Variants in BMPR1B observed in about 807,000 individuals in gnomAD.
BMPR1B encodes the protein bone morphogenetic protein receptor type 1B.
A neutral mutation model predicts 59.1 loss-of-function variants in BMPR1B; 12 were observed. That is an observed-to-expected ratio of 0.20 (90% CI 0.13 to 0.33). The LOEUF (loss-of-function observed/expected upper bound fraction) is 0.33, where lower values mean the gene tolerates loss of function less well. BMPR1B is among the 10% of genes least tolerant of loss of function. The pLI is 1.00. For missense variants in BMPR1B, 550 were observed against 610.9 expected, an observed-to-expected ratio of 0.90 and a Z score of 1.05; for synonymous variants, 237 against 207.3, an observed-to-expected ratio of 1.14 and a Z score of -1.23.
intron 1 of BMPR1B, among the ~76,000 whole-genome samples, chr4:94,825,800 T>C (rs1029690829): frequency 2.0e-5 from 3 of 152,186 alleles, no homozygotes; most frequent in African/African-American, 7.2e-5. Context: ...CAGTCTATTT[T>C]TCTGAATGGA....
chr4:94,799,681 GTTTTGT>G lies in BMPR1B; in HGVS notation c.-183+41633_-183+41638del, dbSNP rs750362352. ...ATTCAATGGGTGTCACTTTTTAGTTGTTTTGTTTTTGTTTTTGTTTTTGTTCTGAGA... is the reference window on the plus strand; with the variant it reads ...ATTCAATGGGTGTCACTTTTTAGTTGTTTTGTTTTTGTTTTTGTTCTGAGA... On this transcript the variant is annotated intron_variant, in intron 1 of 12. Coordinates refer to ENST00000515059, the MANE Select transcript of BMPR1B (RefSeq NM_001203.3). Among the ~76,000 whole-genome samples, 114 of 150,852 alleles carry G rather than the reference GTTTTGT, an allele frequency of 7.6e-4. 2 individuals are homozygous for G. Among genetic ancestry groups the G allele is most frequent in the Admixed American group, 4.2e-3 (64 of 15,096 alleles).
chr4:94,991,852 T>G (rs1430553216), intron 2 of BMPR1B, among the ~76,000 whole-genome samples: 1 of 152,214 alleles, frequency 6.6e-6, no homozygotes, highest in African/African-American at 2.4e-5. Flanking sequence ...ACTTCTGTGC[T>G]GAGAATAGAC....
At chr4:94,835,561 G>A (rs1482363920) in intron 1 of BMPR1B, among the ~76,000 whole-genome samples, 5 of 152,138 alleles carry the variant, frequency 3.3e-5, no homozygotes, top group Non-Finnish European at 4.4e-5. Context: ...TTACACTGCA[G>A]TGACAGTCTC....
intron 3 of BMPR1B, among the ~76,000 whole-genome samples, chr4:95,045,416 T>G (rs932472806): frequency 2.6e-5 from 4 of 152,168 alleles, no homozygotes; most frequent in Admixed American, 2.6e-4. Context: ...CTTCTAATTA[T>G]GGGCTACAAG....
intron 1 of BMPR1B, among the ~76,000 whole-genome samples, chr4:94,793,174 C>T (rs1723049717): frequency 6.6e-6 from 1 of 152,052 alleles, no homozygotes; most frequent in Non-Finnish European, 1.5e-5. Flanking sequence ...CCCCTTCCCC[C>T]ACCCCACAAC....
intron 3 of BMPR1B, among the ~76,000 whole-genome samples, chr4:95,078,506 G>A (rs573117507): frequency 1.3e-5 from 2 of 152,288 alleles, no homozygotes; most frequent in East Asian, 3.9e-4. Flanking sequence ...AGCCATGTGA[G>A]AAGTAAATAT....
intron 2 of BMPR1B, among the ~76,000 whole-genome samples, chr4:94,977,307 G>C (rs1355108471): frequency 6.6e-6 from 1 of 152,096 alleles, no homozygotes; most frequent in Non-Finnish European, 1.5e-5. Context: ...CATCATATTG[G>C]TGTTAAAGGG....
At chr4:95,103,113 TAGAG>T (rs374519839) in intron 3 of BMPR1B, among the ~76,000 whole-genome samples, 255 of 152,168 alleles carry the variant, frequency 1.7e-3, no homozygotes, top group African/African-American at 5.0e-3. Flanking sequence ...TTATAGTTAA[TAGAG>T]AGAAAATTCT....
At chr4:94,926,007 C>CCCCTTCCCTT (rs1728871993) in intron 2 of BMPR1B, among the ~76,000 whole-genome samples, 1 of 139,536 alleles carries the variant, frequency 7.2e-6, no homozygotes, top group South Asian at 2.6e-4. Context: ...CCTCTTTCCT[C>CCCCTTCCCTT]CCCTTCCCTT....
In BMPR1B at chr4:94,915,700, C is replaced by T. The variant is rs114572371; in HGVS notation, c.-113+39800C>T. 5.7e-3 allele frequency among the ~76,000 whole-genome samples: 872 copies of T among 152,202 alleles called. 7 individuals are homozygous for T. Among genetic ancestry groups the T allele is most frequent in the African/African-American group, 0.02 (817 of 41,528 alleles). On this transcript the variant is annotated intron_variant, in intron 2 of 12. Coordinates refer to ENST00000515059, the MANE Select transcript of BMPR1B (RefSeq NM_001203.3). ...ATTATTTCTAGCCCTTCATAGTTGCCGCTTGTTTGTGTATGTGTACAATCA... is the reference window on the plus strand; with the variant it reads ...ATTATTTCTAGCCCTTCATAGTTGCTGCTTGTTTGTGTATGTGTACAATCA...
Position 95,152,624 on chromosome 4 carries a change from A to G in BMPR1B, c.1253-19A>G, listed in dbSNP as rs1735126989. On this transcript the variant is annotated intron_variant, in intron 11 of 12. Coordinates refer to ENST00000515059, the MANE Select transcript of BMPR1B (RefSeq NM_001203.3). Reference sequence around the variant, plus strand: ...AGAAAATAATAATAATAATAATAATAGTAACAACATATTTTTAGGTATAGT... The same window carrying G: ...AGAAAATAATAATAATAATAATAATGGTAACAACATATTTTTAGGTATAGT... 1.3e-6 allele frequency: 2 copies of G among 1,509,894 alleles called. No homozygotes were observed. Among genetic ancestry groups the G allele is most frequent in the African/African-American group, 1.4e-5 (1 of 72,136 alleles). 93.5% of individuals were successfully genotyped at this position (1,509,894 alleles called of 1,614,324 possible).
intron 2 of BMPR1B, among the ~76,000 whole-genome samples, chr4:94,970,391 C>T (rs1730744019): frequency 6.6e-6 from 1 of 151,954 alleles, no homozygotes; most frequent in Non-Finnish European, 1.5e-5. Context: ...TCTCGGCTCA[C>T]TGCAACCTCT....
At chr4:94,957,371 CAT>C (rs1328865302) in intron 2 of BMPR1B, among the ~76,000 whole-genome samples, 33 of 112,612 alleles carry the variant, frequency 2.9e-4, no homozygotes, top group African/African-American at 8.8e-4. Flanking sequence ...CCTTTTGCAA[CAT>C]GTGTGTGGGA....
intron 3 of BMPR1B, among the ~76,000 whole-genome samples, chr4:95,013,366 A>G (rs77601428): frequency 0.028 from 4,249 of 152,268 alleles, 85 homozygotes; most frequent in Non-Finnish European, 0.042. Context: ...GAAATCATGG[A>G]CATTTGCTTC....
rs188033155 is a variant in BMPR1B at position 95,139,287 on chromosome 4, G to C, written c.1076+7775G>C. On this transcript the variant is annotated intron_variant, in intron 10 of 12. Transcript: ENST00000515059. Reference sequence around the variant, plus strand: ...TCCTTCATCTGGAAGCTTCGTCTCAGAGGGGCACCTGGCTGTATGAGGTGT... The same window carrying C: ...TCCTTCATCTGGAAGCTTCGTCTCACAGGGGCACCTGGCTGTATGAGGTGT... Among the ~76,000 whole-genome samples the C allele has an allele frequency of 3.0e-3, 464 of 152,272 alleles. 9 individuals are homozygous for C. The highest frequency in any genetic ancestry group is 2.9e-3 in the East Asian group (15 of 5,162).
intron 3 of BMPR1B, among the ~76,000 whole-genome samples, chr4:95,084,463 A>G (rs1006313744): frequency 6.6e-6 from 1 of 152,042 alleles, no homozygotes; most frequent in African/African-American, 2.4e-5. Flanking sequence ...AATCTTAGGC[A>G]ATGGGAGGTT....
chr4:95,068,863 T>C (rs1297307989), intron 3 of BMPR1B, among the ~76,000 whole-genome samples: 3 of 152,180 alleles, frequency 2.0e-5, no homozygotes, highest in Non-Finnish European at 2.9e-5. Context: ...TGAAGTACCT[T>C]CAAAGTACAG....
chr4:95,013,038 A>AT (rs531889089), intron 3 of BMPR1B, among the ~76,000 whole-genome samples: 1 of 151,794 alleles, frequency 6.6e-6, no homozygotes, highest in Admixed American at 6.6e-5. Flanking sequence ...GGGGCAATTT[A>AT]TTTTTTTTAA....
At chr4:94,988,552 T>A (rs1721548107) in intron 2 of BMPR1B, among the ~76,000 whole-genome samples, 1 of 152,220 alleles carries the variant, frequency 6.6e-6, no homozygotes, top group African/African-American at 2.4e-5. Flanking sequence ...AAAGACCCAT[T>A]CTTTGCTATG....
Sources: allele counts gnomAD v4.1 joint callset (sites outside exome capture counted in the v4.1 genomes callset), GRCh38; gene constraint gnomAD v4.1.1; transcripts MANE v1.5; gene names NCBI Gene and HGNC (gene_info 2026-07-23, HGNC 2026-07-21).